Variants in DLG2 observed in about 807,000 individuals in gnomAD.
DLG2 encodes the protein discs large MAGUK scaffold protein 2.
In DLG2, 45 loss-of-function variants were observed where a neutral mutation model predicts 132.5. The observed-to-expected ratio is 0.34, with a 90% CI of 0.27 to 0.44. DLG2 has a LOEUF of 0.44. Among genes scored for constraint, DLG2 ranks in the 20% least tolerant of loss-of-function variants. The pLI is 1.00. For synonymous variants in DLG2, 424 were observed against 419.6 expected (o/e 1.01, Z -0.13); for missense variants, 1,045 against 1,196.9 (o/e 0.87, Z 1.87).
At chr11:84,059,575 A>T in intron 10 of DLG2, 91 bp from the exon 11 acceptor site, 2 of 1,015,242 alleles carry the variant, frequency 2.0e-6, no homozygotes, top group Non-Finnish European at 2.7e-6. Flanking sequence ...AAGAAGTGGG[A>T]AAGTAAAGAA....
intron 20 of DLG2, among the ~76,000 whole-genome samples, chr11:83,537,807 CAAAAAAAAA>C (rs1164386994): frequency 5.5e-5 from 1 of 18,292 alleles, no homozygotes; most frequent in Admixed American, 6.8e-4. Flanking sequence ...GACTCTGTCT[CAAAAAAAAA>C]AAAAAAAAAA....
intron 19 of DLG2, among the ~76,000 whole-genome samples, chr11:83,571,645 T>G (rs1192818014): frequency 6.6e-6 from 1 of 151,690 alleles, no homozygotes; most frequent in African/African-American, 2.4e-5. Context: ...GCATGTGCAT[T>G]AATAAGCACG....
At chr11:85,234,119 T>C (rs1431653481) in intron 4 of DLG2, among the ~76,000 whole-genome samples, 1 of 151,812 alleles carries the variant, frequency 6.6e-6, no homozygotes, top group Non-Finnish European at 1.5e-5. Context: ...TACCCTCTAG[T>C]AGGGGAAACA....
intron 3 of DLG2, among the ~76,000 whole-genome samples, chr11:85,323,594 C>A (rs1437831648): frequency 6.6e-6 from 1 of 152,148 alleles, no homozygotes; most frequent in East Asian, 1.9e-4. Context: ...AACACTAGAA[C>A]TTATTCCTTC....
chr11:85,192,375 T>C (rs1336310643), intron 4 of DLG2, among the ~76,000 whole-genome samples: 1 of 152,202 alleles, frequency 6.6e-6, no homozygotes, highest in Non-Finnish European at 1.5e-5. Context: ...GGAATTCTGA[T>C]GGGACTGTGA....
At chr11:84,907,231 C>CT (rs2091614695) in intron 6 of DLG2, among the ~76,000 whole-genome samples, 1 of 152,088 alleles carries the variant, frequency 6.6e-6, no homozygotes. Context: ...ATTCAACATA[C>CT]GACTAACTGG....
chr11:83,831,799 T>C (rs1237443294), intron 17 of DLG2, among the ~76,000 whole-genome samples: 1 of 152,040 alleles, frequency 6.6e-6, no homozygotes, highest in African/African-American at 2.4e-5. Flanking sequence ...AAAATTAAAA[T>C]ATAGGCAGGA....
At chr11:84,840,700 A>G (rs1030069434) in intron 6 of DLG2, among the ~76,000 whole-genome samples, 1 of 152,110 alleles carries the variant, frequency 6.6e-6, no homozygotes, top group Admixed American at 6.6e-5. Flanking sequence ...AGGGACATGG[A>G]TGAAGCTGGA....
At chr11:83,632,552 G>C (rs568831688) in intron 19 of DLG2, 1 of 152,254 alleles carries the variant, frequency 6.6e-6, no homozygotes, top group Non-Finnish European at 1.5e-5. Flanking sequence ...TGTTATAGTT[G>C]AGTGTTGATG....
At chr11:84,617,771 T>C (rs2099607108) in intron 6 of DLG2, among the ~76,000 whole-genome samples, 1 of 152,078 alleles carries the variant, frequency 6.6e-6, no homozygotes, top group Admixed American at 6.6e-5. Flanking sequence ...ATGGGTACAC[T>C]ACGAAGAAGG....
intron 3 of DLG2, among the ~76,000 whole-genome samples, chr11:85,386,727 C>T (rs962539461): frequency 1.3e-5 from 2 of 150,474 alleles, no homozygotes; most frequent in South Asian, 2.1e-4. Context: ...CTTTTTATTT[C>T]TGTTTGTAGC....
chr11:84,868,264 C>T (rs897054420), intron 6 of DLG2, among the ~76,000 whole-genome samples: 3 of 151,338 alleles, frequency 2.0e-5, no homozygotes, highest in Non-Finnish European at 2.9e-5. Context: ...TCCAATAAGG[C>T]TATCAAGTCT....
intron 8 of DLG2, among the ~76,000 whole-genome samples, chr11:84,199,925 A>G (rs2096569942): frequency 1.3e-5 from 2 of 152,108 alleles, no homozygotes; most frequent in African/African-American, 4.8e-5. Context: ...GAAAAAAACC[A>G]CAGTTCTAAG....
chr11:83,985,256 C>T (rs775466123), intron 11 of DLG2, among the ~76,000 whole-genome samples: 1 of 152,110 alleles, frequency 6.6e-6, no homozygotes, highest in Non-Finnish European at 1.5e-5. Flanking sequence ...TTATTAATCT[C>T]ACATGTCTTC....
intron 11 of DLG2, among the ~76,000 whole-genome samples, chr11:83,982,676 T>C (rs1421656620): frequency 6.6e-6 from 1 of 152,144 alleles, no homozygotes; most frequent in Non-Finnish European, 1.5e-5. Context: ...CTAGCCTAAG[T>C]GTACAGTGTT....
chr11:84,550,113 TATAC>T (rs2099398792), intron 6 of DLG2, among the ~76,000 whole-genome samples: 1 of 125,954 alleles, frequency 7.9e-6, no homozygotes, highest in African/African-American at 3.2e-5. Context: ...AAAACGAGCC[TATAC>T]ACACACACAC....
At chr11:84,428,181 T>C (rs1033912646) in intron 7 of DLG2, among the ~76,000 whole-genome samples, 2 of 152,210 alleles carry the variant, frequency 1.3e-5, no homozygotes, top group African/African-American at 4.8e-5. Context: ...TTAAAAAATA[T>C]ATTACCATTT....
At chr11:84,881,887 A>T (rs1219534443) in intron 6 of DLG2, among the ~76,000 whole-genome samples, 1 of 152,112 alleles carries the variant, frequency 6.6e-6, no homozygotes, top group Non-Finnish European at 1.5e-5. Flanking sequence ...TTAGCCCCAA[A>T]TGCTGTCCAG....
At chr11:83,831,269 A>T (rs1283534284) in intron 17 of DLG2, among the ~76,000 whole-genome samples, 1 of 152,232 alleles carries the variant, frequency 6.6e-6, no homozygotes, top group African/African-American at 2.4e-5. Context: ...TTGAAGAAGT[A>T]GGTAAGGGAA....
Sources: gnomAD v4.1 joint callset for allele counts (sites outside exome capture counted in the v4.1 genomes callset) on GRCh38, gnomAD v4.1.1 for gene constraint, MANE v1.5 for transcripts, NCBI Gene and HGNC (gene_info 2026-07-23, HGNC 2026-07-21) for gene names.